LPA: variants seen among roughly 807,000 people sequenced by gnomAD.
LPA encodes the protein apolipoprotein(a).
LPA carries 199 observed loss-of-function variants against 197.9 expected under a neutral mutation model. The observed-to-expected ratio is 1.01, with a 90% confidence interval of 0.90 to 1.13. The LOEUF (loss-of-function observed/expected upper bound fraction) is 1.13. LPA is among the 50% of genes most tolerant of loss of function. The pLI is 0.00. For synonymous variants in LPA, 715 were observed against 639.5 expected, an observed-to-expected ratio of 1.12 and a Z score of -1.78; for missense variants, 1,853 against 1,785.8, an observed-to-expected ratio of 1.04 and a Z score of -0.68.
chr6:160,562,910 G>A (rs567985424), intron 28 of LPA, among the ~76,000 whole-genome samples: 207 of 152,202 alleles, frequency 1.4e-3, no homozygotes, highest in African/African-American at 4.6e-3. Flanking sequence ...CATCATTGGT[G>A]ATATCCCCTT....
chr6:160,601,163 T>C, intron 18 of LPA, 65 bp from the exon 19 acceptor site: 3 of 1,471,762 alleles, frequency 2.0e-6, no homozygotes, highest in Non-Finnish European at 2.9e-6. Context: ...CTGTATATTT[T>C]GCTACAACAA....
intron 16 of LPA, among the ~76,000 whole-genome samples, chr6:160,610,253 A>C (rs1486164278): frequency 6.6e-6 from 1 of 152,166 alleles, no homozygotes; most frequent in Non-Finnish European, 1.5e-5. Context: ...TTACTTCTGA[A>C]GAGAGTTGAG....
At chr6:160,607,505 G>A (rs780401425) in intron 16 of LPA, among the ~76,000 whole-genome samples, 1 of 152,128 alleles carries the variant, frequency 6.6e-6, no homozygotes, top group African/African-American at 2.4e-5. Context: ...GAAGAGGTCG[G>A]ACAGCTACGG....
chr6:160,596,652 A>G (rs1206757777), intron 20 of LPA, among the ~76,000 whole-genome samples: 2 of 152,182 alleles, frequency 1.3e-5, no homozygotes, highest in Non-Finnish European at 2.9e-5. Flanking sequence ...TTGGAAAATG[A>G]AAGTAAAAAG....
intron 7 of LPA, 143 bp downstream of exon 7, chr6:160,634,980 C>G: frequency 6.7e-7 from 1 of 1,500,722 alleles, no homozygotes; most frequent in South Asian, 1.1e-5. Context: ...CCAGAGAGTA[C>G]ACGGAGGCTT....
At chr6:160,576,688 GTGTATATATA>G (rs1329676058) in intron 28 of LPA, among the ~76,000 whole-genome samples, 792 of 57,908 alleles carry the variant, frequency 0.014, 7 homozygotes, top group African/African-American at 0.043. Flanking sequence ...GTGTGTGTGT[GTGTATATATA>G]TATATATATA....
chr6:160,643,114 G>A (rs1190637390), intron 4 of LPA, among the ~76,000 whole-genome samples: 2,106 of 141,526 alleles, frequency 0.015, no homozygotes, highest in African/African-American at 0.053. Context: ...GTGTGTGTGT[G>A]TAGCTCATTC....
intron 2 of LPA, among the ~76,000 whole-genome samples, chr6:160,649,719 G>A (rs1207794890): frequency 6.6e-6 from 1 of 152,064 alleles, no homozygotes; most frequent in African/African-American, 2.4e-5. Context: ...TGAAAGACTG[G>A]CCATGGTGTG....
rs762337953 is a variant in LPA at position 160,611,522 on chromosome 6, T to G, written c.2603+40A>C. ...ATGTCTCTTGTCACAGAAACTTCAG[T>G]TGGCCCTTTATTCTCTTATGGTAAA... is the stretch of plus-strand genomic sequence containing the variant. On this transcript the variant is annotated intron_variant, in intron 16 of 38. Transcript: ENST00000316300. The G allele has an allele frequency of 1.7e-5, 28 of 1,605,916 alleles. 2 individuals carry two copies. Among genetic ancestry groups the G allele is most frequent in the Non-Finnish European group, 2.4e-5 (28 of 1,178,538 alleles).
At position 160,541,287 on chromosome 6, in the gene LPA, A is replaced by G. The variant is rs1449943525; in HGVS notation, c.5520-106T>C. 1.2e-5 allele frequency: 10 copies of G among 851,672 alleles called. No homozygotes were observed. The East Asian group carries it at 2.5e-4, about 21-fold the overall frequency. The allele number at this position is 851,672 out of a possible 1,614,324, so 52.8% of individuals were successfully genotyped here. On this transcript the variant is annotated intron_variant, in intron 34 of 38. Coordinates refer to ENST00000316300, the MANE Select transcript of LPA (RefSeq NM_005577.4). ...TTCACTCAGTTTTGATCATGTTCAT[A>G]TTCCCAAAGCAAAGGACTACCGCCC...
intron 1 of LPA, among the ~76,000 whole-genome samples, chr6:160,652,659 T>C (rs1753005814): frequency 6.6e-6 from 1 of 152,146 alleles, no homozygotes; most frequent in Admixed American, 6.5e-5. Flanking sequence ...TTTGTAGTCA[T>C]AATCACTTTA....
chr6:160,532,311 C>T (rs1441960715), intron 38 of LPA, among the ~76,000 whole-genome samples: 5 of 152,120 alleles, frequency 3.3e-5, no homozygotes, highest in Admixed American at 1.3e-4. Context: ...ATGGCACTTA[C>T]GGCTCCCTTG....
intron 15 of LPA, among the ~76,000 whole-genome samples, chr6:160,612,493 G>C (rs1260818426): frequency 0.32 from 375 of 1,166 alleles, 186 homozygotes; most frequent in South Asian, 1. Context: ...ATGCAGCCCT[G>C]TTAGGTTTCT....
rs2114991328 is a variant in LPA, at chr6:160,532,544, G to A, written c.5948C>T (p.Thr1983Ile). The A allele has an allele frequency of 6.2e-7, 1 of 1,602,224 alleles. No homozygotes were observed. The highest frequency in any genetic ancestry group is 1.1e-5 in the South Asian group (1 of 90,850). ...ATCTTTTCTTACCTGGCAACTGTCA[G>A]TGCCTCTGGCCAAATGCTCAGCACA... Reference protein sequence around the residue: ...YICAEHLARGTDSCQGDSGGP... With the variant: ...YICAEHLARGIDSCQGDSGGP... Residue 1983 changes from threonine (T) to isoleucine (I), a missense_variant, in exon 38 of 39, where the codon ACT becomes ATT. Physicochemically the swap from Thr to Ile is moderately conservative, Grantham distance 89. Around this residue, in one of 3 missense-constraint regions of LPA, gnomAD observed 1,737 missense variants for 1,504.4 expected, o/e 1.15. Coordinates refer to ENST00000316300, the MANE Select transcript of LPA (RefSeq NM_005577.4).
intron 30 of LPA, among the ~76,000 whole-genome samples, chr6:160,550,004 C>T (rs1460079856): frequency 1.1e-4 from 16 of 152,310 alleles, no homozygotes; most frequent in African/African-American, 3.6e-4. Flanking sequence ...GGGTGGATCA[C>T]GAGGTCAACA....
chr6:160,651,707 A>T (rs1040412654), intron 1 of LPA, among the ~76,000 whole-genome samples: 3 of 152,148 alleles, frequency 2.0e-5, no homozygotes, highest in Admixed American at 2.0e-4. Context: ...AGACAGACAG[A>T]CTCAGAAAAG....
intron 26 of LPA, among the ~76,000 whole-genome samples, chr6:160,583,862 G>A (rs1778845766): frequency 6.6e-6 from 1 of 152,184 alleles, no homozygotes; most frequent in Non-Finnish European, 1.5e-5. Context: ...TAATTATGGG[G>A]TTGATCTTAT....
At position 160,545,614 on chromosome 6, in the gene LPA, A is replaced by G. The variant is rs551435263; in HGVS notation, c.5305-81T>C. On this transcript the variant is annotated intron_variant, in intron 32 of 38. Coordinates refer to ENST00000316300, the MANE Select transcript of LPA (RefSeq NM_005577.4). ...ATATTCTAAGGCACACACATTTCACATCTATTCTTAGAAGACAAAAGGGAG... is the reference window on the plus strand; with the variant it reads ...ATATTCTAAGGCACACACATTTCACGTCTATTCTTAGAAGACAAAAGGGAG... 4.8e-6 allele frequency: 4 copies of G among 836,484 alleles called. No homozygotes were observed. In the African/African-American group the frequency reaches 6.7e-5, roughly 14 times the overall value. The allele number at this position is 836,484 out of a possible 1,614,324, so 51.8% of individuals were successfully genotyped here. A position where few individuals can be genotyped will look rare whatever the true frequency, so the allele number is the denominator to read the frequency against.
chr6:160,589,516 G>C, intron 24 of LPA, 37 bp downstream of exon 24: 3 of 1,610,160 alleles, frequency 1.9e-6, no homozygotes, highest in Non-Finnish European at 2.5e-6. Flanking sequence ...ATTTAAGTGG[G>C]TGGCTGTTTC....
Sources: gnomAD v4.1 joint callset for allele counts (sites outside exome capture counted in the v4.1 genomes callset) on GRCh38, gnomAD v4.1.1 for gene constraint, gnomAD v4.1.1 regional missense constraint, MANE v1.5 for transcripts, NCBI Gene and HGNC (gene_info 2026-07-23, HGNC 2026-07-21) for gene names.